DPY19L3: variants seen among roughly 807,000 people sequenced by gnomAD.
The protein encoded by DPY19L3 is protein C-mannosyl-transferase DPY19L3.
A neutral mutation model predicts 92.3 loss-of-function variants in DPY19L3; 51 were observed. That is an observed-to-expected ratio of 0.55 (90% CI 0.44 to 0.70). DPY19L3 has a LOEUF of 0.70. Among genes scored for constraint, DPY19L3 ranks in the 30% least tolerant of loss-of-function variants. The pLI is 0.00. For synonymous variants in DPY19L3, 309 were observed against 315.2 expected (o/e 0.98, Z 0.21); for missense variants, 706 against 855.9 (o/e 0.82, Z 2.18).
intron 4 of DPY19L3, 54 bp downstream of exon 4, chr19:32,432,860 T>C: frequency 1.3e-6 from 2 of 1,509,334 alleles, no homozygotes. Context: ...TTCAATATTT[T>C]AGTGAGAAGT....
At chr19:32,468,121 G>A in intron 15 of DPY19L3, 1 of 974,792 alleles carries the variant, frequency 1.0e-6, no homozygotes, top group Non-Finnish European at 1.2e-6. Flanking sequence ...GGTCCAGGTT[G>A]TAGCTCTGCC....
At chr19:32,448,471 C>A (rs537772915) in intron 8 of DPY19L3, among the ~76,000 whole-genome samples, 39 of 152,252 alleles carry the variant, frequency 2.6e-4, no homozygotes, top group African/African-American at 9.1e-4. Flanking sequence ...CGCTAGTAGC[C>A]TACTGTTGAC....
chr19:32,413,606 C>G (rs1968272175), intron 3 of DPY19L3, among the ~76,000 whole-genome samples: 1 of 145,692 alleles, frequency 6.9e-6, no homozygotes, highest in African/African-American at 2.5e-5. Context: ...CCCCTCCCCC[C>G]ACCCCACAAC....
chr19:32,433,846 A>G (rs1969048730), intron 4 of DPY19L3, among the ~76,000 whole-genome samples: 1 of 152,234 alleles, frequency 6.6e-6, no homozygotes, highest in Admixed American at 6.5e-5. Flanking sequence ...TTCATCCATA[A>G]TAAGGGTAAT....
In DPY19L3 at chr19:32,468,212, A is replaced by G. The variant is rs148507214; in HGVS notation, c.1615-519A>G. On this transcript the variant is annotated intron_variant, in intron 15 of 18. Coordinates refer to ENST00000392250, the MANE Select transcript of DPY19L3 (RefSeq NM_001172774.2). ...AATGAAAAATAAATCCCAGTGGGTG[A>G]TGCTGCCTGTTGCGTCATCCATGTC... 563 of 916,820 alleles carry G rather than the reference A, an allele frequency of 6.1e-4. 6 individuals are homozygous for G. In the African/African-American group the frequency reaches 9.7e-3, roughly 16 times the overall value. The allele number at this position is 916,820 out of a possible 1,614,324, so 56.8% of individuals were successfully genotyped here.
At chr19:32,447,758 TAGA>T (rs1568343790) in intron 8 of DPY19L3, among the ~76,000 whole-genome samples, 136 of 148,370 alleles carry the variant, frequency 9.2e-4, no homozygotes, top group African/African-American at 2.4e-3. Flanking sequence ...GATAGATAGA[TAGA>T]TAGATAGATA....
chr19:32,406,864 G>A (rs1967973133), intron 1 of DPY19L3, among the ~76,000 whole-genome samples: 2 of 152,286 alleles, frequency 1.3e-5, no homozygotes, highest in South Asian at 4.1e-4. Context: ...CACTTAGGGA[G>A]GACTCTAGGA....
rs1438040600 is a variant in DPY19L3 at position 32,482,490 on chromosome 19, A to T, written c.*250A>T. The T allele has an allele frequency of 2.5e-6, 1 of 395,256 alleles. No homozygotes were observed. The highest frequency in any genetic ancestry group is 2.1e-5 in the African/African-American group (1 of 48,216). The allele number at this position is 395,256 out of a possible 1,614,324, so 24.5% of individuals were successfully genotyped here. On this transcript the variant is annotated 3_prime_UTR_variant, in exon 19 of 19. Transcript: ENST00000392250. ...AAATGTTAACAACTTTCTAAGAGTGACCTAGAATTATGTTGTTGGAGAGAA... is the reference window on the plus strand; with the variant it reads ...AAATGTTAACAACTTTCTAAGAGTGTCCTAGAATTATGTTGTTGGAGAGAA...
chr19:32,467,430 A>G (rs1428532709), intron 15 of DPY19L3: 1 of 986,918 alleles, frequency 1.0e-6, no homozygotes, highest in Non-Finnish European at 1.2e-6. Context: ...TTACAAAGGC[A>G]TCATTTAATC....
intron 17 of DPY19L3, 101 bp downstream of exon 17, chr19:32,477,755 ATTAGG>A: frequency 6.7e-7 from 1 of 1,483,012 alleles, no homozygotes; most frequent in South Asian, 1.2e-5. Context: ...ACCCTCCAGC[ATTAGG>A]TTAGGAGGAT....
intron 3 of DPY19L3, among the ~76,000 whole-genome samples, chr19:32,415,129 C>T (rs971289359): frequency 2.0e-5 from 3 of 152,144 alleles, no homozygotes; most frequent in African/African-American, 7.2e-5. Flanking sequence ...AGGCCATGCC[C>T]CCAAGGAACT....
At chr19:32,407,764 T>C (rs1968025398) in intron 1 of DPY19L3, among the ~76,000 whole-genome samples, 4 of 152,152 alleles carry the variant, frequency 2.6e-5, no homozygotes, top group Admixed American at 6.5e-5. Flanking sequence ...GTGTTTTGAG[T>C]GTAGCTTTGA....
intron 3 of DPY19L3, among the ~76,000 whole-genome samples, chr19:32,425,440 A>G (rs542021103): frequency 1.3e-5 from 2 of 152,196 alleles, no homozygotes; most frequent in African/African-American, 4.8e-5. Flanking sequence ...AGTCCCAGCT[A>G]CTAGGGAGGC....
At chr19:32,424,133 A>G (rs1378621553) in intron 3 of DPY19L3, among the ~76,000 whole-genome samples, 1 of 152,102 alleles carries the variant, frequency 6.6e-6, no homozygotes, top group African/African-American at 2.4e-5. Context: ...CCTGGGCAAC[A>G]TAGTGAGATC....
intron 3 of DPY19L3, among the ~76,000 whole-genome samples, chr19:32,419,259 C>A (rs751138819): frequency 4.0e-5 from 6 of 150,204 alleles, no homozygotes; most frequent in Non-Finnish European, 5.9e-5. Flanking sequence ...CTCCCGGGTT[C>A]GCGCCATTCT....
rs574189083 is a variant in DPY19L3, at chr19:32,426,707, A to T, written c.238-6009A>T. On this transcript the variant is annotated intron_variant, in intron 3 of 18. Coordinates refer to ENST00000392250, the MANE Select transcript of DPY19L3 (RefSeq NM_001172774.2). The stretch of plus-strand genomic sequence containing the variant: ...TATTGTGCCCCAAAACAGTTACAGT[A>T]GTATTAATAACATCAAAGATCACTG... 5.7e-4 allele frequency among the ~76,000 whole-genome samples: 87 copies of T among 152,364 alleles called. 1 individual carries two copies. Among genetic ancestry groups the T allele is most frequent in the Non-Finnish European group, 1.1e-3 (75 of 68,030 alleles).
At chr19:32,433,759 A>C (rs1445904464) in intron 4 of DPY19L3, among the ~76,000 whole-genome samples, 1 of 152,158 alleles carries the variant, frequency 6.6e-6, no homozygotes, top group Non-Finnish European at 1.5e-5. Context: ...TTTATCACCT[A>C]GGAGACATGA....
intron 3 of DPY19L3, among the ~76,000 whole-genome samples, chr19:32,422,179 A>G (rs965643014): frequency 2.6e-5 from 4 of 152,216 alleles, no homozygotes; most frequent in African/African-American, 4.8e-5. Context: ...ACAAGCAGAC[A>G]TCATTGGTGA....
In DPY19L3 at chr19:32,485,802, T is replaced by A. The variant is rs1970782754; in HGVS notation, c.*3562T>A. The A allele has an allele frequency of 6.6e-6, 1 of 152,208 alleles. No individual in the cohort carries two copies. The highest frequency in any genetic ancestry group is 6.5e-5 in the Admixed American group (1 of 15,280). The allele number at this position is 152,208 out of a possible 1,614,324, so 9.4% of individuals were successfully genotyped here. The stretch of plus-strand genomic sequence containing the variant: ...CAATTGATTTTCTGTTTTAACACCC[T>A]TTGGGTAAAATCTTGCAAAGAGCTT... On this transcript the variant is annotated 3_prime_UTR_variant, in exon 19 of 19. Coordinates refer to ENST00000392250, the MANE Select transcript of DPY19L3 (RefSeq NM_001172774.2).
Sources: allele counts gnomAD v4.1 joint callset (sites outside exome capture counted in the v4.1 genomes callset), GRCh38; gene constraint gnomAD v4.1.1; transcripts MANE v1.5; gene names NCBI Gene and HGNC (gene_info 2026-07-23, HGNC 2026-07-21).